Variants in TMEM108 observed in about 807,000 individuals in gnomAD.
The protein encoded by TMEM108 is transmembrane protein 108.
Under a neutral mutation model 35.1 loss-of-function variants are expected in TMEM108, and 12 were observed. The ratio of observed to expected loss-of-function variants is 0.34; its 90% CI spans 0.22 to 0.55. The LOEUF (loss-of-function observed/expected upper bound fraction) is 0.55, where lower values mean the gene tolerates loss of function less well. Among genes scored for constraint, TMEM108 ranks in the 20% least tolerant of loss-of-function variants. The pLI, the probability that TMEM108 is intolerant of heterozygous loss-of-function variation, is 0.89. For synonymous variants in TMEM108, 287 were observed against 308.6 expected (o/e 0.93, Z 0.73); for missense variants, 680 against 753.3 (o/e 0.90, Z 1.14).
At chr3:133,316,926 G>A (rs1269956415) in intron 3 of TMEM108, among the ~76,000 whole-genome samples, 1 of 152,194 alleles carries the variant, frequency 6.6e-6, no homozygotes, top group Non-Finnish European at 1.5e-5. Context: ...TAGAGCCCAG[G>A]GAAGTCAAAC....
chr3:133,316,250 C>G (rs902362263), intron 3 of TMEM108, among the ~76,000 whole-genome samples: 1 of 152,160 alleles, frequency 6.6e-6, no homozygotes, highest in Non-Finnish European at 1.5e-5. Context: ...TTGAGTGATT[C>G]CCTTTAAGTG....
intron 3 of TMEM108, among the ~76,000 whole-genome samples, chr3:133,236,711 C>G (rs545556392): frequency 6.6e-6 from 1 of 152,262 alleles, no homozygotes; most frequent in East Asian, 1.9e-4. Flanking sequence ...TACCCAGTGA[C>G]TATTCTTTCT....
At chr3:133,194,228 C>T (rs956870004) in intron 2 of TMEM108, among the ~76,000 whole-genome samples, 1 of 152,136 alleles carries the variant, frequency 6.6e-6, no homozygotes, top group Non-Finnish European at 1.5e-5. Flanking sequence ...ATCCACCATG[C>T]CCAGCTGAAC....
At chr3:133,325,378 T>G (rs2071317401) in intron 3 of TMEM108, among the ~76,000 whole-genome samples, 1 of 152,180 alleles carries the variant, frequency 6.6e-6, no homozygotes, top group Non-Finnish European at 1.5e-5. Context: ...GCTACACTGC[T>G]TAGGTGATGA....
intron 3 of TMEM108, among the ~76,000 whole-genome samples, chr3:133,361,317 C>T (rs2107793766): frequency 6.6e-6 from 1 of 152,312 alleles, no homozygotes; most frequent in Non-Finnish European, 1.5e-5. Flanking sequence ...CTCAGCTCTG[C>T]TACATTCCAG....
intron 2 of TMEM108, among the ~76,000 whole-genome samples, chr3:133,142,042 A>C (rs918931457): frequency 3.9e-5 from 6 of 152,198 alleles, no homozygotes; most frequent in African/African-American, 1.4e-4. Flanking sequence ...TCAACCCACC[A>C]GATCTCAGTA....
rs182538835 is a variant in TMEM108, at chr3:133,145,002, C to G, written c.-46-84264C>G. Among the ~76,000 whole-genome samples, 3 of 152,194 alleles carry G rather than the reference C, an allele frequency of 2.0e-5. No individual in the cohort carries two copies. The East Asian group carries it at 5.8e-4, about 29-fold the overall frequency. On this transcript the variant is annotated intron_variant, in intron 2 of 5. Coordinates refer to ENST00000321871, the MANE Select transcript of TMEM108 (RefSeq NM_023943.4). Reference sequence around the variant, plus strand: ...ATTTGTCAATGTTGGCTTTTGTTGCCATTGCTTTTGGTGTTTTAGTCACAA... The same window carrying G: ...ATTTGTCAATGTTGGCTTTTGTTGCGATTGCTTTTGGTGTTTTAGTCACAA...
At chr3:133,230,615 C>T (rs142582539) in intron 3 of TMEM108, among the ~76,000 whole-genome samples, 2 of 152,148 alleles carry the variant, frequency 1.3e-5, no homozygotes, top group African/African-American at 2.4e-5. Context: ...ATTTTACATA[C>T]ACACATACAC....
At chr3:133,390,110 G>T (rs1341810246) in intron 4 of TMEM108, 70 bp from the exon 5 acceptor site, 6 of 1,587,562 alleles carry the variant, frequency 3.8e-6, no homozygotes, top group Non-Finnish European at 5.2e-6. Context: ...CTCCTCATCA[G>T]TTCGGTGGTG....
intron 2 of TMEM108, among the ~76,000 whole-genome samples, chr3:133,179,767 T>C (rs1449532405): frequency 6.6e-6 from 1 of 151,852 alleles, no homozygotes; most frequent in South Asian, 2.1e-4. Context: ...GTAACAAACC[T>C]GCATGTTGTG....
At chr3:133,140,596 A>T (rs188811353) in intron 2 of TMEM108, among the ~76,000 whole-genome samples, 3 of 152,226 alleles carry the variant, frequency 2.0e-5, no homozygotes, top group Admixed American at 2.0e-4. Context: ...TCTAGGCAGG[A>T]TACAGTTGTG....
At chr3:133,260,385 G>A (rs896088967) in intron 3 of TMEM108, among the ~76,000 whole-genome samples, 11 of 152,292 alleles carry the variant, frequency 7.2e-5, no homozygotes, top group African/African-American at 9.6e-5. Context: ...GCTAGTTTGG[G>A]TGGTCAAGAA....
chr3:133,339,342 G>C (rs1009207490), intron 3 of TMEM108, among the ~76,000 whole-genome samples: 1 of 151,756 alleles, frequency 6.6e-6, no homozygotes, highest in Admixed American at 6.6e-5. Flanking sequence ...CAAGACAAAA[G>C]CTTTAAGAAG....
intron 2 of TMEM108, among the ~76,000 whole-genome samples, chr3:133,170,168 TA>T (rs906165405): frequency 6.6e-6 from 1 of 151,980 alleles, no homozygotes; most frequent in Non-Finnish European, 1.5e-5. Context: ...CCTGGGAGAT[TA>T]AAAAAAAGAA....
intron 3 of TMEM108, among the ~76,000 whole-genome samples, chr3:133,312,144 C>G (rs1437743723): frequency 6.6e-6 from 1 of 152,246 alleles, no homozygotes; most frequent in Non-Finnish European, 1.5e-5. Context: ...AGGTGTCTGT[C>G]AGCCCCTACT....
chr3:133,180,981 G>A lies in TMEM108; in HGVS notation c.-46-48285G>A, dbSNP rs143536922. ...ATTAATGCTTCCCCTAATCTTTCAT[G>A]TTGTACTGGCTATTGGGCAGTTGTG... On this transcript the variant is annotated intron_variant, in intron 2 of 5. Coordinates refer to ENST00000321871, the MANE Select transcript of TMEM108 (RefSeq NM_023943.4). Among the ~76,000 whole-genome samples, 253 of 113,314 alleles carry A rather than the reference G, an allele frequency of 2.2e-3. 2 individuals are homozygous for A. The highest frequency in any genetic ancestry group is 8.2e-3 in the African/African-American group (240 of 29,132). 74.3% of individuals were successfully genotyped at this position (113,314 alleles called of 152,430 possible).
At position 133,370,852 on chromosome 3, in the gene TMEM108, G is replaced by A. The variant is rs562114967; in HGVS notation, c.41-8900G>A. On this transcript the variant is annotated intron_variant, in intron 3 of 5. Transcript: ENST00000321871. ...ATATAACAGCCTCCAGCTTTATTCC[G>A]TCTGTTTCCCCAGCCCATAGTGTGT... Among the ~76,000 whole-genome samples the A allele has an allele frequency of 2.4e-4, 35 of 146,788 alleles. No individual in the cohort carries two copies. In the South Asian group the frequency reaches 5.3e-3, roughly 22 times the overall value.
intron 2 of TMEM108, among the ~76,000 whole-genome samples, chr3:133,081,406 G>A (rs1218591519): frequency 1.3e-5 from 2 of 152,090 alleles, no homozygotes; most frequent in Non-Finnish European, 2.9e-5. Context: ...CTCATCATAG[G>A]GGCCTCACCC....
At chr3:133,260,136 C>T (rs1244812713) in intron 3 of TMEM108, among the ~76,000 whole-genome samples, 1 of 152,200 alleles carries the variant, frequency 6.6e-6, no homozygotes, top group Non-Finnish European at 1.5e-5. Flanking sequence ...TAAAGCTGCT[C>T]ACCTGTGACT....
Sources: gnomAD v4.1 joint callset for allele counts (sites outside exome capture counted in the v4.1 genomes callset) on GRCh38, gnomAD v4.1.1 for gene constraint, MANE v1.5 for transcripts, NCBI Gene and HGNC (gene_info 2026-07-23, HGNC 2026-07-21) for gene names.